Variants in KIAA1217 observed in about 807,000 individuals in gnomAD.
KIAA1217 encodes the protein KIAA1217.
Under a neutral mutation model 163.9 loss-of-function variants are expected in KIAA1217, and 88 were observed. The observed-to-expected ratio is 0.54, with a 90% CI of 0.45 to 0.64. KIAA1217 has a LOEUF of 0.64. KIAA1217 is among the 30% of genes least tolerant of loss of function. The probability of loss-of-function intolerance (pLI) is 0.00; values close to 1 mark genes in which losing one functional copy is unlikely to be tolerated. For missense variants in KIAA1217, 2,372 were observed against 2,475.0 expected (o/e 0.96, Z 0.88); for synonymous variants, 903 against 923.1 (o/e 0.98, Z 0.39).
At chr10:24,438,509 C>A in intron 5 of KIAA1217, 30 bp downstream of exon 5, 1 of 1,440,896 alleles carries the variant, frequency 6.9e-7, no homozygotes, top group Non-Finnish European at 9.8e-7. Context: ...TTTTACTTAT[C>A]TTCAGTGGGT....
intron 1 of KIAA1217, among the ~76,000 whole-genome samples, chr10:23,762,394 A>G (rs1834307089): frequency 6.6e-6 from 1 of 152,132 alleles, no homozygotes; most frequent in Non-Finnish European, 1.5e-5. Context: ...CAAATCCAGT[A>G]GCACATCAAG....
rs200150975 is a variant in KIAA1217, at chr10:24,252,421, T to TA, written c.354+32521dup. ...TGTGAGAGCCTGTCCCTACAAAAAATAAAAAAAAATTAGCCAGGCATGCTG... is the reference window on the plus strand; with the variant it reads ...TGTGAGAGCCTGTCCCTACAAAAAATAAAAAAAAAATTAGCCAGGCATGCTG... On this transcript the variant is annotated intron_variant, in intron 2 of 20. Transcript: ENST00000376454. Among the ~76,000 whole-genome samples, 823 of 150,914 alleles carry TA rather than the reference T, an allele frequency of 5.5e-3. 10 individuals are homozygous for TA. Among genetic ancestry groups the TA allele is most frequent in the African/African-American group, 0.018 (737 of 41,116 alleles).
At chr10:23,857,013 C>A (rs928564141) in intron 1 of KIAA1217, among the ~76,000 whole-genome samples, 1 of 152,208 alleles carries the variant, frequency 6.6e-6, no homozygotes, top group African/African-American at 2.4e-5. Flanking sequence ...GTGCGCTGCA[C>A]CCACTGTCCT....
At chr10:24,170,940 T>A (rs972346341) in intron 2 of KIAA1217, among the ~76,000 whole-genome samples, 1 of 152,228 alleles carries the variant, frequency 6.6e-6, no homozygotes, top group Non-Finnish European at 1.5e-5. Context: ...TGTTCAGAGA[T>A]GTGTTCTGCT....
At chr10:24,335,948 G>T (rs547358463) in intron 2 of KIAA1217, among the ~76,000 whole-genome samples, 2 of 152,188 alleles carry the variant, frequency 1.3e-5, no homozygotes, top group African/African-American at 4.8e-5. Flanking sequence ...TTGGCTGAGC[G>T]CAGTGGCTCA....
chr10:24,362,937 TA>T (rs147721137), intron 2 of KIAA1217, among the ~76,000 whole-genome samples: 2 of 148,184 alleles, frequency 1.3e-5, no homozygotes, highest in Non-Finnish European at 3.0e-5. Context: ...CAAATTTAAT[TA>T]AAAAAAAAGA....
At chr10:24,266,950 G>A (rs890700418) in intron 2 of KIAA1217, among the ~76,000 whole-genome samples, 2 of 152,110 alleles carry the variant, frequency 1.3e-5, no homozygotes, top group African/African-American at 2.4e-5. Flanking sequence ...GCGAAGGTCC[G>A]CAGCTTCATT....
At chr10:24,443,460 C>T (rs1195566522) in intron 5 of KIAA1217, among the ~76,000 whole-genome samples, 1 of 152,162 alleles carries the variant, frequency 6.6e-6, no homozygotes, top group African/African-American at 2.4e-5. Flanking sequence ...CCAAGTGTCT[C>T]AAATTCACTC....
At chr10:24,273,065 A>C in intron 2 of KIAA1217, among the ~76,000 whole-genome samples, 1 of 152,300 alleles carries the variant, frequency 6.6e-6, no homozygotes. Context: ...AAAACTAGTT[A>C]ATTTTTTAGT....
chr10:24,433,151 A>G lies in KIAA1217; in HGVS notation c.710A>G (p.Lys237Arg). 2 of 1,614,132 alleles carry G rather than the reference A, an allele frequency of 1.2e-6. No individual in the cohort carries two copies. Among genetic ancestry groups the G allele is most frequent in the Admixed American group, 3.3e-5 (2 of 60,022 alleles). The change falls in exon 4 of 21, where the codon AAA (lysine) becomes AGA (arginine). Residue 237 changes from lysine (K) to arginine (R), a missense_variant. Coordinates refer to ENST00000376454, the MANE Select transcript of KIAA1217 (RefSeq NM_019590.5). ...LESPSVAIYI[K>R]DESRNVYYEL... Reference sequence around the variant, plus strand: ...TCGCCCAGTGTCGCCATTTACATCAAAGATGAAAGCAGAAATGTCTATTAT... The same window carrying G: ...TCGCCCAGTGTCGCCATTTACATCAGAGATGAAAGCAGAAATGTCTATTAT...
At chr10:24,082,449 A>T (rs773111847) in intron 2 of KIAA1217, among the ~76,000 whole-genome samples, 1 of 151,634 alleles carries the variant, frequency 6.6e-6, no homozygotes, top group Non-Finnish European at 1.5e-5. Context: ...CCCTGTATTC[A>T]TGTGTTCTCG....
rs375786499 is a variant in KIAA1217, at chr10:23,734,777, T to A, written c.-321+39543T>A. On this transcript the variant is annotated intron_variant, in intron 1 of 18. Transcript: ENST00000376462. Reference sequence around the variant, plus strand: ...TATGGCTTATTCATATTTATCATGATAAATTTTCTGTTGAGAGATCATGGC... The same window carrying A: ...TATGGCTTATTCATATTTATCATGAAAAATTTTCTGTTGAGAGATCATGGC... 5.3e-4 allele frequency among the ~76,000 whole-genome samples: 81 copies of A among 152,288 alleles called. No individual in the cohort carries two copies. The South Asian group carries it at 0.016, about 30-fold the overall frequency.
At chr10:24,088,461 A>G (rs1236074994) in intron 2 of KIAA1217, among the ~76,000 whole-genome samples, 1 of 66,846 alleles carries the variant, frequency 1.5e-5, no homozygotes, top group African/African-American at 4.2e-5. Context: ...CTACTCAACA[A>G]CAGGCCCCAG....
chr10:24,202,916 G>A (rs2067343025), intron 2 of KIAA1217, among the ~76,000 whole-genome samples: 1 of 152,208 alleles, frequency 6.6e-6, no homozygotes, highest in South Asian at 2.1e-4. Flanking sequence ...CGGGCCAGGG[G>A]CAGTGGCTCA....
chr10:23,819,192 C>A (rs1837503009), intron 1 of KIAA1217, among the ~76,000 whole-genome samples: 1 of 152,154 alleles, frequency 6.6e-6, no homozygotes, highest in African/African-American at 2.4e-5. Flanking sequence ...TCTATTTTAG[C>A]AGGGAACATG....
chr10:24,032,474 G>A (rs984195672), intron 2 of KIAA1217, among the ~76,000 whole-genome samples: 5 of 152,024 alleles, frequency 3.3e-5, no homozygotes, highest in Admixed American at 1.3e-4. Context: ...CTCCAACTCC[G>A]AGGCCCAAGT....
At chr10:24,481,592 T>C (rs542954302) in intron 6 of KIAA1217, 1 of 152,286 alleles carries the variant, frequency 6.6e-6, no homozygotes, top group South Asian at 2.1e-4. Context: ...GGACTAATAA[T>C]ACATTGTAGG....
intron 2 of KIAA1217, among the ~76,000 whole-genome samples, chr10:24,294,646 C>A (rs990995264): frequency 6.6e-6 from 1 of 152,206 alleles, no homozygotes; most frequent in Non-Finnish European, 1.5e-5. Context: ...ACACTTCAAC[C>A]AACTGCTTCA....
At chr10:24,483,353 C>T (rs1292966660) in intron 6 of KIAA1217, among the ~76,000 whole-genome samples, 1 of 152,186 alleles carries the variant, frequency 6.6e-6, no homozygotes, top group Non-Finnish European at 1.5e-5. Flanking sequence ...TCTCCCCACT[C>T]AGTCCCTGCC....
Sources: allele counts gnomAD v4.1 joint callset (sites outside exome capture counted in the v4.1 genomes callset), GRCh38; gene constraint gnomAD v4.1.1; transcripts MANE v1.5; gene names NCBI Gene and HGNC (gene_info 2026-07-23, HGNC 2026-07-21).